The following DNAJC1 variants were observed in gnomAD, a reference collection of about 807,000 sequenced individuals.
DNAJC1 encodes the protein DnaJ heat shock protein family (Hsp40) member C1.
A neutral mutation model predicts 76.6 loss-of-function variants in DNAJC1; 58 were observed. The observed-to-expected ratio is 0.76, with a 90% CI of 0.61 to 0.94. The LOEUF (loss-of-function observed/expected upper bound fraction) is 0.94, where lower values mean the gene tolerates loss of function less well. Among genes scored for constraint, DNAJC1 ranks in the 40% least tolerant of loss-of-function variants. The probability of loss-of-function intolerance (pLI) is 0.00; values close to 1 mark genes in which losing one functional copy is unlikely to be tolerated. For missense variants in DNAJC1, 689 were observed against 677.3 expected (o/e 1.02, Z -0.19); for synonymous variants, 258 against 267.9 (o/e 0.96, Z 0.36).
At chr10:21,798,980 A>C (rs1414555492) in intron 9 of DNAJC1, among the ~76,000 whole-genome samples, 1 of 152,236 alleles carries the variant, frequency 6.6e-6, no homozygotes, top group Non-Finnish European at 1.5e-5. Context: ...CATTGTGCAC[A>C]TATGTGCCTG....
chr10:21,861,633 G>C (rs1282152451), intron 8 of DNAJC1, among the ~76,000 whole-genome samples: 2 of 152,050 alleles, frequency 1.3e-5, no homozygotes, highest in African/African-American at 4.8e-5. Context: ...AAAACAGGTT[G>C]CAGTAAAGCC....
intron 8 of DNAJC1, among the ~76,000 whole-genome samples, chr10:21,849,580 T>C (rs2131686883): frequency 6.6e-6 from 1 of 152,032 alleles, no homozygotes; most frequent in South Asian, 2.1e-4. Flanking sequence ...TCTTAAAAAA[T>C]CTGAAGAGAA....
intron 9 of DNAJC1, among the ~76,000 whole-genome samples, chr10:21,780,033 T>G (rs11599570): frequency 2.0e-3 from 310 of 152,022 alleles, no homozygotes; most frequent in Non-Finnish European, 3.5e-3. Context: ...AGTGAGAAGA[T>G]AAGTTTAGAG....
intron 8 of DNAJC1, among the ~76,000 whole-genome samples, chr10:21,831,093 C>G (rs1481415016): frequency 6.6e-6 from 1 of 152,112 alleles, no homozygotes; most frequent in Non-Finnish European, 1.5e-5. Context: ...GTGGGCACAT[C>G]TTTACTGGGT....
At chr10:21,990,251 A>G (rs1590082756) in intron 1 of DNAJC1, among the ~76,000 whole-genome samples, 1 of 152,206 alleles carries the variant, frequency 6.6e-6, no homozygotes, top group Admixed American at 6.5e-5. Context: ...AGTAACCACA[A>G]ATCATGCCTA....
chr10:21,756,568 ATT>A lies in DNAJC1; in HGVS notation c.*117_*118del. The A allele has an allele frequency of 1.5e-6, 1 of 672,204 alleles. No homozygotes were observed. The highest frequency in any genetic ancestry group is 2.6e-6 in the Non-Finnish European group (1 of 386,872). The allele number at this position is 672,204 out of a possible 1,614,324, so 41.6% of individuals were successfully genotyped here. ...AACACTCATCTTTTATTTATTTATT[ATT>A]TTTTTTTACTAAGGCACATGACGTA... is the stretch of plus-strand genomic sequence containing the variant. On this transcript the variant is annotated 3_prime_UTR_variant, in exon 12 of 12. Coordinates refer to ENST00000376980, the MANE Select transcript of DNAJC1 (RefSeq NM_022365.4).
intron 10 of DNAJC1, among the ~76,000 whole-genome samples, chr10:21,762,475 A>C (rs933810092): frequency 5.3e-5 from 8 of 152,258 alleles, no homozygotes; most frequent in Non-Finnish European, 1.2e-4. Context: ...CCAAAAGGAT[A>C]CATCTATCCA....
intron 1 of DNAJC1, among the ~76,000 whole-genome samples, chr10:21,941,649 T>C (rs1324056807): frequency 2.0e-5 from 3 of 152,174 alleles, no homozygotes; most frequent in African/African-American, 7.2e-5. Context: ...GTTTTAAGTT[T>C]TTCATAATAA....
chr10:21,935,644 C>T lies in DNAJC1; in HGVS notation c.223-6503G>A, dbSNP rs114751771. The stretch of plus-strand genomic sequence containing the variant: ...TATATCTAAGAATCTCAACAAACCC[C>T]AAGTAGGAGAAAACTAAAGAGATCC... On this transcript the variant is annotated intron_variant, in intron 1 of 11. Coordinates refer to ENST00000376980, the MANE Select transcript of DNAJC1 (RefSeq NM_022365.4). 4.0e-3 allele frequency among the ~76,000 whole-genome samples: 588 copies of T among 146,722 alleles called. 4 individuals are homozygous for T. Among genetic ancestry groups the T allele is most frequent in the African/African-American group, 0.014 (555 of 39,668 alleles).
chr10:21,955,460 G>A (rs1388640185), intron 1 of DNAJC1, among the ~76,000 whole-genome samples: 1 of 152,006 alleles, frequency 6.6e-6, no homozygotes, highest in African/African-American at 2.4e-5. Context: ...ATGGGACTGA[G>A]GGCCAAAGGA....
At chr10:21,911,756 A>G (rs1836867821) in intron 6 of DNAJC1, among the ~76,000 whole-genome samples, 1 of 152,210 alleles carries the variant, frequency 6.6e-6, no homozygotes, top group Non-Finnish European at 1.5e-5. Context: ...ATGGTGAGAT[A>G]GTGATATGCA....
At chr10:21,827,514 C>T (rs968038745) in intron 8 of DNAJC1, among the ~76,000 whole-genome samples, 1 of 152,138 alleles carries the variant, frequency 6.6e-6, no homozygotes, top group Admixed American at 6.5e-5. Context: ...GGGTTAGTTC[C>T]TTTTGGAGGC....
At chr10:21,861,358 A>C (rs536256276) in intron 8 of DNAJC1, among the ~76,000 whole-genome samples, 8 of 152,316 alleles carry the variant, frequency 5.3e-5, no homozygotes, top group African/African-American at 1.7e-4. Context: ...TGAAACAAGA[A>C]GGATAAACAG....
chr10:21,875,168 A>G (rs748848818), intron 8 of DNAJC1, among the ~76,000 whole-genome samples: 1 of 152,128 alleles, frequency 6.6e-6, no homozygotes, highest in Non-Finnish European at 1.5e-5. Context: ...GGCTTCAGCC[A>G]CCACGCCCAG....
chr10:21,779,181 C>A (rs1186553304), intron 9 of DNAJC1, among the ~76,000 whole-genome samples: 1 of 152,212 alleles, frequency 6.6e-6, no homozygotes, highest in African/African-American at 2.4e-5. Context: ...ACGGCACAGA[C>A]AAACAAAAGA....
At chr10:21,949,681 T>C (rs1020991403) in intron 1 of DNAJC1, among the ~76,000 whole-genome samples, 3 of 151,832 alleles carry the variant, frequency 2.0e-5, no homozygotes, top group East Asian at 1.9e-4. Context: ...CCTCCTGAAA[T>C]GTTGGGATTA....
At chr10:21,834,056 A>T (rs1235924092) in intron 8 of DNAJC1, among the ~76,000 whole-genome samples, 2 of 152,070 alleles carry the variant, frequency 1.3e-5, no homozygotes, top group African/African-American at 4.8e-5. Flanking sequence ...CGAGGTCAGG[A>T]GATCGAGACC....
intron 8 of DNAJC1, among the ~76,000 whole-genome samples, chr10:21,828,742 A>C (rs954058499): frequency 6.6e-6 from 1 of 152,258 alleles, no homozygotes; most frequent in Admixed American, 6.5e-5. Context: ...TTTGAAACTC[A>C]GTAACATTTT....
At chr10:21,837,547 C>A (rs1253736691) in intron 8 of DNAJC1, among the ~76,000 whole-genome samples, 1 of 151,630 alleles carries the variant, frequency 6.6e-6, no homozygotes, top group Non-Finnish European at 1.5e-5. Flanking sequence ...GTGAGGTGCG[C>A]CTCTGCCTGG....
Sources: gnomAD v4.1 joint callset for allele counts (sites outside exome capture counted in the v4.1 genomes callset) on GRCh38, gnomAD v4.1.1 for gene constraint, MANE v1.5 for transcripts, NCBI Gene and HGNC (gene_info 2026-07-23, HGNC 2026-07-21) for gene names.